IL3RA: variants seen among roughly 807,000 people sequenced by gnomAD.
IL3RA encodes the protein interleukin-3 receptor subunit alpha.
In IL3RA, 73 loss-of-function variants were observed where a neutral mutation model predicts 52.3. The observed-to-expected ratio is 1.40, with a 90% confidence interval of 1.16 to 1.70. The LOEUF is 1.70. Among genes scored for constraint, IL3RA ranks in the 40% most tolerant of loss-of-function variants. The probability of loss-of-function intolerance (pLI) is 0.00; values close to 1 mark genes in which losing one functional copy is unlikely to be tolerated. For missense variants in IL3RA, 664 were observed against 504.4 expected (o/e 1.32, Z -3.03); for synonymous variants, 260 against 194.0 (o/e 1.34, Z -2.83).
At chrX:1,344,963 C>G (rs1337107983) in intron 2 of IL3RA, among the ~76,000 whole-genome samples, 1 of 148,958 alleles carries the variant, frequency 6.7e-6, no homozygotes, top group Non-Finnish European at 1.5e-5. Flanking sequence ...GAGATCGAGA[C>G]CATCCTGGCT....
intron 4 of IL3RA, among the ~76,000 whole-genome samples, chrX:1,350,312 G>A (rs1327847379): frequency 4.0e-5 from 6 of 151,714 alleles, no homozygotes; most frequent in East Asian, 2.0e-4. Flanking sequence ...AAAATTAGCC[G>A]GGCATGGTGG....
intron 3 of IL3RA, among the ~76,000 whole-genome samples, 153 bp from the exon 4 acceptor site, chrX:1,348,278 G>A (rs772810250): frequency 4.9e-4 from 74 of 151,790 alleles, no homozygotes; most frequent in African/African-American, 1.7e-3. Context: ...GCTTGAACCC[G>A]GGAGGGAGAG....
Position 1,352,593 on chromosome X carries a change from C to T in IL3RA, c.616+87C>T, listed in dbSNP as rs2086156112. On this transcript the variant is annotated intron_variant, in intron 6 of 11. Coordinates refer to ENST00000331035, the MANE Select transcript of IL3RA (RefSeq NM_002183.4). ...GGCCAGATCCCACGGGACCACGTGG[C>T]TCCCAACGCAGACGTTGGCCTCTCA... The T allele has an allele frequency of 4.4e-6, 6 of 1,356,412 alleles. No homozygotes were observed. In the East Asian group the frequency reaches 1.2e-4, roughly 28 times the overall value. 84.0% of individuals were successfully genotyped at this position (1,356,412 alleles called of 1,614,324 possible).
intron 8 of IL3RA, among the ~76,000 whole-genome samples, chrX:1,362,184 G>C (rs760111863): frequency 2.1e-5 from 3 of 144,278 alleles, no homozygotes; most frequent in East Asian, 2.1e-4. Context: ...TTGTATCTAT[G>C]TCTTTCTGTC....
intron 8 of IL3RA, among the ~76,000 whole-genome samples, chrX:1,361,307 AC>A (rs1409420597): frequency 6.6e-6 from 1 of 151,838 alleles, no homozygotes; most frequent in Non-Finnish European, 1.5e-5. Context: ...CCATTGTCAC[AC>A]TGCTGATAAA....
chrX:1,342,207 C>G (rs1458358892), intron 2 of IL3RA, among the ~76,000 whole-genome samples: 1 of 152,024 alleles, frequency 6.6e-6, no homozygotes, highest in African/African-American at 2.4e-5. Context: ...ACTGTCTTGC[C>G]CAGGCTGGAG....
At chrX:1,351,629 T>A (rs1260076790) in intron 4 of IL3RA, among the ~76,000 whole-genome samples, 8 of 124,324 alleles carry the variant, frequency 6.4e-5, no homozygotes, top group African/African-American at 2.4e-4. Flanking sequence ...ATGCCTGGGT[T>A]TGTTTTTTTA....
chrX:1,344,709 G>T (rs1428980106), intron 2 of IL3RA, among the ~76,000 whole-genome samples: 1 of 151,176 alleles, frequency 6.6e-6, no homozygotes. Context: ...GGAGGTAGAG[G>T]TTGCGGTGAG....
intron 8 of IL3RA, among the ~76,000 whole-genome samples, chrX:1,361,646 G>A (rs756479132): frequency 2.6e-4 from 39 of 151,694 alleles, no homozygotes; most frequent in Non-Finnish European, 4.6e-4. Flanking sequence ...CCAGCTACTC[G>A]GGAGGCTGAA....
chrX:1,367,719 G>C (rs1284171964), intron 9 of IL3RA, among the ~76,000 whole-genome samples: 9 of 116,306 alleles, frequency 7.7e-5, no homozygotes, highest in Admixed American at 1.7e-4. Flanking sequence ...CGGGGTGAGC[G>C]GGGTGCGCCG....
intron 8 of IL3RA, among the ~76,000 whole-genome samples, chrX:1,359,620 T>G (rs2149056998): frequency 7.2e-6 from 1 of 138,808 alleles, no homozygotes; most frequent in African/African-American, 2.7e-5. Context: ...CCCTCTCTCA[T>G]TCTCCTTCCC....
At chrX:1,346,300 A>G (rs1184126279) in intron 3 of IL3RA, among the ~76,000 whole-genome samples, 2 of 151,654 alleles carry the variant, frequency 1.3e-5, no homozygotes, top group Non-Finnish European at 2.9e-5. Flanking sequence ...TTAGCTGGGC[A>G]TGGTGGTGGG....
At chrX:1,353,126 C>A (rs2086220367) in intron 6 of IL3RA, among the ~76,000 whole-genome samples, 1 of 146,774 alleles carries the variant, frequency 6.8e-6, no homozygotes. Context: ...GGGACACCCC[C>A]CATCATGGGT....
At position 1,353,871 on chromosome X, in the gene IL3RA, T is replaced by C. The variant is rs1249200250; in HGVS notation, c.616+1365T>C. The stretch of plus-strand genomic sequence containing the variant: ...CCATCATGGGTTTCATCATGGGTCA[T>C]AGGATCCCCTATCATGGATTCCATC... On this transcript the variant is annotated intron_variant, in intron 6 of 11. Transcript: ENST00000331035. Among the ~76,000 whole-genome samples the C allele has an allele frequency of 3.1e-5, 4 of 129,736 alleles. No homozygotes were observed. The East Asian group carries it at 6.9e-4, about 22-fold the overall frequency. 85.1% of individuals were successfully genotyped at this position (129,736 alleles called of 152,430 possible).
At chrX:1,342,465 C>A (rs1292744820) in intron 2 of IL3RA, among the ~76,000 whole-genome samples, 6 of 151,272 alleles carry the variant, frequency 4.0e-5, no homozygotes, top group Non-Finnish European at 7.4e-5. Flanking sequence ...AGCGCCCGGC[C>A]TTTTTTTTCA....
intron 11 of IL3RA, among the ~76,000 whole-genome samples, chrX:1,381,491 C>T (rs1176889062): frequency 6.6e-6 from 1 of 151,672 alleles, no homozygotes; most frequent in Non-Finnish European, 1.5e-5. Context: ...TCCCAGCCCA[C>T]CGTGATCACG....
rs201587653 is a variant in IL3RA, at chrX:1,363,125, CT to C, written c.760-2012del. Among the ~76,000 whole-genome samples the C allele has an allele frequency of 5.0e-3, 755 of 151,814 alleles. 17 individuals carry two copies. Among genetic ancestry groups the C allele is most frequent in the Admixed American group, 0.038 (573 of 15,190 alleles). Reference sequence around the variant, plus strand: ...TTGGTCATTGCATTTAGGGCCCCCCCTGATCCAAAATGACATCATCTCAATC... The same window carrying C: ...TTGGTCATTGCATTTAGGGCCCCCCCGATCCAAAATGACATCATCTCAATC... On this transcript the variant is annotated intron_variant, in intron 8 of 11. Coordinates refer to ENST00000331035, the MANE Select transcript of IL3RA (RefSeq NM_002183.4).
At chrX:1,361,349 A>G (rs2087339260) in intron 8 of IL3RA, among the ~76,000 whole-genome samples, 1 of 152,108 alleles carries the variant, frequency 6.6e-6, no homozygotes, top group Admixed American at 6.6e-5. Context: ...ATTTATAAAC[A>G]AAAGAGGGTT....
chrX:1,367,180 G>C (rs2088147094), intron 9 of IL3RA, among the ~76,000 whole-genome samples: 1 of 46,130 alleles, frequency 2.2e-5, no homozygotes, highest in Non-Finnish European at 3.6e-5. Context: ...CGGGTGCGCG[G>C]GGTGAGCGGG....
Sources: gnomAD v4.1 joint callset for allele counts (sites outside exome capture counted in the v4.1 genomes callset) on GRCh38, gnomAD v4.1.1 for gene constraint, MANE v1.5 for transcripts, NCBI Gene and HGNC (gene_info 2026-07-23, HGNC 2026-07-21) for gene names.